TERF2: variants seen among roughly 807,000 people sequenced by gnomAD.
The protein encoded by TERF2 is telomeric repeat-binding factor 2.
A neutral mutation model predicts 56.1 loss-of-function variants in TERF2; 16 were observed. The ratio of observed to expected loss-of-function variants is 0.29; its 90% CI spans 0.19 to 0.43. The LOEUF (loss-of-function observed/expected upper bound fraction) is 0.43, where lower values mean the gene tolerates loss of function less well. Ranked by LOEUF, TERF2 falls within the 20% of genes least tolerant of loss-of-function variation. The pLI is 1.00. For missense variants in TERF2, 547 were observed against 712.9 expected (o/e 0.77, Z 2.65); for synonymous variants, 296 against 282.1 (o/e 1.05, Z -0.50).
chr16:69,366,426 T>A (rs2013346241), intron 7 of TERF2: 1 of 194,058 alleles, frequency 5.2e-6, no homozygotes, highest in African/African-American at 2.3e-5. Flanking sequence ...AAATTATACA[T>A]ATTCATCAGT....
intron 7 of TERF2, among the ~76,000 whole-genome samples, chr16:69,361,852 C>T (rs1479478553): frequency 6.6e-6 from 1 of 151,206 alleles, no homozygotes; most frequent in Non-Finnish European, 1.5e-5. Context: ...CTTCCTTGGA[C>T]ATGCCTTCTT....
chr16:69,382,667 T>C (rs973669874), intron 3 of TERF2, among the ~76,000 whole-genome samples: 1 of 152,212 alleles, frequency 6.6e-6, no homozygotes, highest in African/African-American at 2.4e-5. Context: ...CAAGCAGCCT[T>C]ATCTGTGAAG....
At chr16:69,381,728 AC>A (rs1436230834) in intron 3 of TERF2, among the ~76,000 whole-genome samples, 2 of 151,916 alleles carry the variant, frequency 1.3e-5, no homozygotes, top group East Asian at 3.9e-4. Flanking sequence ...CGATCCACTC[AC>A]GTCAGCCTCC....
chr16:69,380,352 A>C (rs1284588053), intron 3 of TERF2, among the ~76,000 whole-genome samples: 1 of 152,082 alleles, frequency 6.6e-6, no homozygotes, highest in South Asian at 2.1e-4. Context: ...AACTTTTCTT[A>C]ATCTGTCACA....
chr16:69,382,656 G>A (rs1401214847), intron 3 of TERF2, among the ~76,000 whole-genome samples: 1 of 152,234 alleles, frequency 6.6e-6, no homozygotes, highest in Non-Finnish European at 1.5e-5. Context: ...CTGCCATGTT[G>A]CAAGCAGCCT....
intron 5 of TERF2, chr16:69,370,181 C>G: frequency 2.7e-6 from 1 of 364,504 alleles, no homozygotes. Context: ...CAGGTGCCTG[C>G]CACCACGCCC....
chr16:69,383,730 T>C (rs1043776223), intron 3 of TERF2, among the ~76,000 whole-genome samples: 3 of 152,264 alleles, frequency 2.0e-5, no homozygotes, highest in Admixed American at 2.0e-4. Flanking sequence ...CAGGTTTTCC[T>C]TGTGAAGCAA....
At chr16:69,364,806 C>T (rs912359014) in intron 7 of TERF2, among the ~76,000 whole-genome samples, 2 of 152,204 alleles carry the variant, frequency 1.3e-5, no homozygotes, top group East Asian at 1.9e-4. Context: ...GTGGCCAGGG[C>T]ACCTCACACA....
rs151039494 is a variant in TERF2 at position 69,371,260 on chromosome 16, A to G, written c.694-631T>C. Among the ~76,000 whole-genome samples the G allele has an allele frequency of 4.7e-3, 720 of 152,184 alleles. 11 individuals are homozygous for G. Among genetic ancestry groups the G allele is most frequent in the African/African-American group, 0.016 (644 of 41,522 alleles). Reference sequence around the variant, plus strand: ...ACACCTGTAATGCCAGCACTTTGGGAGGTCGAGGCGGGCGGATCACTTGAG... The same window carrying G: ...ACACCTGTAATGCCAGCACTTTGGGGGGTCGAGGCGGGCGGATCACTTGAG... On this transcript the variant is annotated intron_variant, in intron 4 of 9. Coordinates refer to ENST00000254942, the MANE Select transcript of TERF2 (RefSeq NM_005652.5).
At chr16:69,381,110 A>C (rs1174950640) in intron 3 of TERF2, among the ~76,000 whole-genome samples, 1 of 152,156 alleles carries the variant, frequency 6.6e-6, no homozygotes, top group East Asian at 1.9e-4. Context: ...CAGCCTAAAA[A>C]ATATTTTTTA....
chr16:69,385,178 G>A (rs1336407490), intron 2 of TERF2, among the ~76,000 whole-genome samples: 2 of 151,694 alleles, frequency 1.3e-5, no homozygotes, highest in South Asian at 2.1e-4. Flanking sequence ...GGTGGGAGAA[G>A]ATTTAAAAAA....
chr16:69,357,745 G>T, intron 8 of TERF2, 184 bp from the exon 9 acceptor site: 1 of 210,922 alleles, frequency 4.7e-6, no homozygotes, highest in Non-Finnish European at 8.2e-6. Flanking sequence ...AGTCACTTCA[G>T]CCTATGAGAA....
intron 3 of TERF2, among the ~76,000 whole-genome samples, chr16:69,372,731 C>T (rs1373673469): frequency 6.6e-6 from 1 of 152,140 alleles, no homozygotes; most frequent in African/African-American, 2.4e-5. Flanking sequence ...CACTGCACTC[C>T]AGCCTGGGCA....
At chr16:69,357,771 T>C (rs2012959396) in intron 8 of TERF2, among the ~76,000 whole-genome samples, 1 of 152,160 alleles carries the variant, frequency 6.6e-6, no homozygotes, top group Non-Finnish European at 1.5e-5. Context: ...ACAATGCAAG[T>C]GCTTTACAAA....
At chr16:69,360,389 A>C (rs1057140597) in intron 8 of TERF2, among the ~76,000 whole-genome samples, 1 of 151,910 alleles carries the variant, frequency 6.6e-6, no homozygotes, top group African/African-American at 2.4e-5. Context: ...CATCTCAAAA[A>C]AAAAAAAGAA....
chr16:69,361,281 C>T (rs1446824125), intron 8 of TERF2, 123 bp downstream of exon 8: 3 of 706,838 alleles, frequency 4.2e-6, no homozygotes, highest in African/African-American at 1.8e-5. Flanking sequence ...AAAATGAGAT[C>T]GGGAACTTAC....
In TERF2 at chr16:69,385,783, GCGGGA is replaced by G; in HGVS notation, c.184_188del (p.Ser62GlnfsTer2). The G allele has an allele frequency of 7.7e-7, 1 of 1,299,796 alleles. No homozygotes were observed. Among genetic ancestry groups the G allele is most frequent in the Non-Finnish European group, 9.8e-7 (1 of 1,025,474 alleles). The allele number at this position is 1,299,796 out of a possible 1,614,324, so 80.5% of individuals were successfully genotyped here. ...GCCCCCGCCGGGCCCGCCCGCTACT[GCGGGA>G]CGCCCGCCTGCCAGCTGCCCGCCCG... On this transcript the variant is annotated frameshift_variant, in exon 1 of 10. Transcript: ENST00000254942. LOFTEE classifies it high-confidence loss of function.
At chr16:69,361,962 G>A (rs984920797) in intron 7 of TERF2, among the ~76,000 whole-genome samples, 6 of 103,320 alleles carry the variant, frequency 5.8e-5, no homozygotes, top group East Asian at 4.2e-4. Context: ...AGTCTCTGCC[G>A]CTAGGCTCTT....
At chr16:69,379,728 T>C (rs189041755) in intron 3 of TERF2, among the ~76,000 whole-genome samples, 159 of 152,300 alleles carry the variant, frequency 1.0e-3, no homozygotes, top group Non-Finnish European at 2.0e-3. Flanking sequence ...ATAAACTAAT[T>C]ACAAGGTAAC....
Sources: allele counts gnomAD v4.1 joint callset (sites outside exome capture counted in the v4.1 genomes callset), GRCh38; gene constraint gnomAD v4.1.1; transcripts MANE v1.5; gene names NCBI Gene and HGNC (gene_info 2026-07-23, HGNC 2026-07-21).